Variants in EPB41L4B observed in about 807,000 individuals in gnomAD.
EPB41L4B encodes the protein erythrocyte membrane protein band 4.1 like 4B.
In EPB41L4B, 30 loss-of-function variants were observed where a neutral mutation model predicts 112.5. The observed-to-expected ratio is 0.27, with a 90% CI of 0.20 to 0.36. The LOEUF (loss-of-function observed/expected upper bound fraction) is 0.36, where lower values mean the gene tolerates loss of function less well. Among genes scored for constraint, EPB41L4B ranks in the 10% least tolerant of loss-of-function variants. EPB41L4B has a pLI of 1.00. For missense variants in EPB41L4B, 1,024 were observed against 1,133.3 expected (o/e 0.90, Z 1.38); for synonymous variants, 408 against 439.7 (o/e 0.93, Z 0.90).
chr9:109,226,560 G>C (rs529150737), intron 15 of EPB41L4B, among the ~76,000 whole-genome samples: 4 of 145,182 alleles, frequency 2.8e-5, no homozygotes, highest in Non-Finnish European at 6.0e-5. Flanking sequence ...TTCAGTTTTC[G>C]GATTGCCCAT....
intron 1 of EPB41L4B, among the ~76,000 whole-genome samples, chr9:109,301,698 T>C (rs117291680): frequency 2.0e-5 from 3 of 152,240 alleles, no homozygotes; most frequent in South Asian, 2.1e-4. Flanking sequence ...GCTAATCTCA[T>C]GTAGACACAT....
intron 15 of EPB41L4B, among the ~76,000 whole-genome samples, chr9:109,225,331 G>A (rs1300670696): frequency 1.3e-5 from 2 of 152,162 alleles, no homozygotes; most frequent in Non-Finnish European, 2.9e-5. Flanking sequence ...GTATTAGTCC[G>A]TTTTCACACT....
intron 17 of EPB41L4B, among the ~76,000 whole-genome samples, chr9:109,213,460 A>G (rs1480543501): frequency 2.6e-5 from 4 of 152,176 alleles, no homozygotes; most frequent in Non-Finnish European, 5.9e-5. Context: ...ACAACTAACA[A>G]ACAGATCTAG....
chr9:109,280,031 C>T (rs1835977296), intron 1 of EPB41L4B, 110 bp from the exon 2 acceptor site: 1 of 700,362 alleles, frequency 1.4e-6, no homozygotes, highest in African/African-American at 1.8e-5. Context: ...TGTCAGCACA[C>T]ACAAATTTTT....
intron 2 of EPB41L4B, among the ~76,000 whole-genome samples, chr9:109,274,480 A>G (rs545313270): frequency 2.7e-4 from 41 of 152,280 alleles, no homozygotes; most frequent in Admixed American, 2.5e-3. Flanking sequence ...CTGGTTCTTT[A>G]GAGGACTGAA....
At chr9:109,230,201 A>G (rs1833907667) in intron 15 of EPB41L4B, among the ~76,000 whole-genome samples, 1 of 152,200 alleles carries the variant, frequency 6.6e-6, no homozygotes, top group African/African-American at 2.4e-5. Context: ...TTTATACATA[A>G]GGAAAGAGGA....
intron 17 of EPB41L4B, among the ~76,000 whole-genome samples, chr9:109,208,468 T>C (rs1231545065): frequency 6.6e-6 from 1 of 152,232 alleles, no homozygotes; most frequent in Non-Finnish European, 1.5e-5. Context: ...TATTCATTGG[T>C]AGTTTGACAA....
At chr9:109,273,394 G>A (rs1008473630) in intron 2 of EPB41L4B, among the ~76,000 whole-genome samples, 2 of 152,110 alleles carry the variant, frequency 1.3e-5, no homozygotes, top group Non-Finnish European at 2.9e-5. Flanking sequence ...TTACAGGCAT[G>A]TGCCACCACG....
chr9:109,188,490 A>G (rs908172801), intron 22 of EPB41L4B, among the ~76,000 whole-genome samples: 8 of 152,220 alleles, frequency 5.3e-5, no homozygotes, highest in Non-Finnish European at 1.0e-4. Flanking sequence ...AGAACCAAAG[A>G]GAGGCCTAGA....
At chr9:109,215,482 G>A (rs949786989) in intron 16 of EPB41L4B, among the ~76,000 whole-genome samples, 7 of 151,998 alleles carry the variant, frequency 4.6e-5, no homozygotes, top group East Asian at 1.9e-4. Context: ...GTTTCACCAC[G>A]TTGGCCAGGT....
chr9:109,222,683 A>AG (rs1181211303), intron 15 of EPB41L4B, among the ~76,000 whole-genome samples: 2 of 152,194 alleles, frequency 1.3e-5, no homozygotes, highest in African/African-American at 4.8e-5. Flanking sequence ...TGGGTGACAG[A>AG]GGACAGATGT....
intron 22 of EPB41L4B, among the ~76,000 whole-genome samples, chr9:109,190,298 G>A (rs189284765): frequency 3.0e-4 from 45 of 152,352 alleles, no homozygotes; most frequent in African/African-American, 1.0e-3. Flanking sequence ...TATTCACCAA[G>A]GAGGGGTAAT....
At chr9:109,320,116 G>T in intron 1 of EPB41L4B, 25 bp downstream of exon 1, 1 of 1,418,878 alleles carries the variant, frequency 7.0e-7, no homozygotes. Flanking sequence ...AGGTGCCAGT[G>T]CCCCAGACTG....
chr9:109,218,125 TC>T lies in EPB41L4B; in HGVS notation c.1410-981del, dbSNP rs1195656407. Among the ~76,000 whole-genome samples, 35 of 102,258 alleles carry T rather than the reference TC, an allele frequency of 3.4e-4. No individual in the cohort carries two copies. The South Asian group carries it at 0.013, about 39-fold the overall frequency. The allele number at this position is 102,258 out of a possible 152,430, so 67.1% of individuals were successfully genotyped here. ...TGAATATATCTCTAATACTAATAAT[TC>T]TTTTTTTTTTTTTTTTTTTGGCAGT... On this transcript the variant is annotated intron_variant, in intron 15 of 25. Coordinates refer to ENST00000374566, the MANE Select transcript of EPB41L4B (RefSeq NM_019114.5).
intron 20 of EPB41L4B, among the ~76,000 whole-genome samples, chr9:109,195,765 C>T (rs1455616038): frequency 6.6e-6 from 1 of 152,088 alleles, no homozygotes; most frequent in East Asian, 1.9e-4. Flanking sequence ...TATAAAAGGC[C>T]ATTTAAAAAC....
chr9:109,252,203 C>G (rs1352194980), intron 12 of EPB41L4B, among the ~76,000 whole-genome samples: 1 of 152,190 alleles, frequency 6.6e-6, no homozygotes, highest in African/African-American at 2.4e-5. Flanking sequence ...GCTGTATACA[C>G]CTGTAGGGGC....
chr9:109,274,400 G>A (rs1170633348), intron 2 of EPB41L4B, among the ~76,000 whole-genome samples: 1 of 152,052 alleles, frequency 6.6e-6, no homozygotes, highest in Non-Finnish European at 1.5e-5. Context: ...CCTTTCTCTT[G>A]GATATCTTGT....
intron 15 of EPB41L4B, among the ~76,000 whole-genome samples, chr9:109,232,221 G>A (rs1833976188): frequency 1.3e-5 from 2 of 151,878 alleles, no homozygotes; most frequent in African/African-American, 4.8e-5. Context: ...CAAACTCCTG[G>A]CCTCAAATGA....
chr9:109,308,392 A>G (rs1247486350), intron 1 of EPB41L4B, among the ~76,000 whole-genome samples: 1 of 152,194 alleles, frequency 6.6e-6, no homozygotes, highest in Non-Finnish European at 1.5e-5. Context: ...CAATCAACAA[A>G]ACTCGGAAAG....
Sources: gnomAD v4.1 joint callset for allele counts (sites outside exome capture counted in the v4.1 genomes callset) on GRCh38, gnomAD v4.1.1 for gene constraint, MANE v1.5 for transcripts, NCBI Gene and HGNC (gene_info 2026-07-23, HGNC 2026-07-21) for gene names.